RARB: variants seen among roughly 807,000 people sequenced by gnomAD.
The protein encoded by RARB is retinoic acid receptor beta.
RARB carries 17 observed loss-of-function variants against 51.9 expected under a neutral mutation model. The observed-to-expected ratio is 0.33, with a 90% CI of 0.22 to 0.49. The LOEUF is 0.49. Among genes scored for constraint, RARB ranks in the 20% least tolerant of loss-of-function variants. The pLI, the probability that RARB is intolerant of heterozygous loss-of-function variation, is 0.99. For synonymous variants in RARB, 215 were observed against 195.4 expected (o/e 1.10, Z -0.84); for missense variants, 369 against 550.8 (o/e 0.67, Z 3.30).
At chr3:25,407,631 A>G (rs1482035839) in intron 5 of RARB, among the ~76,000 whole-genome samples, 2 of 152,162 alleles carry the variant, frequency 1.3e-5, no homozygotes, top group Non-Finnish European at 2.9e-5. Flanking sequence ...GCACATGTGC[A>G]CATGCATGCA....
At chr3:24,901,738 T>C (rs1017714264) in intron 2 of RARB, among the ~76,000 whole-genome samples, 6 of 152,178 alleles carry the variant, frequency 3.9e-5, no homozygotes, top group African/African-American at 1.4e-4. Flanking sequence ...CTCACCTTAG[T>C]TCAGAGAGCC....
chr3:25,145,146 A>G (rs1485778221), intron 4 of RARB, among the ~76,000 whole-genome samples: 1 of 152,140 alleles, frequency 6.6e-6, no homozygotes, highest in Non-Finnish European at 1.5e-5. Flanking sequence ...GCTCCCTGTA[A>G]AGCAAAATAT....
chr3:25,313,882 C>A (rs894108695), intron 5 of RARB, among the ~76,000 whole-genome samples: 2 of 151,908 alleles, frequency 1.3e-5, no homozygotes, highest in Non-Finnish European at 2.9e-5. Flanking sequence ...CCAGCCTGGG[C>A]AACGTAGTGA....
intron 3 of RARB, among the ~76,000 whole-genome samples, chr3:25,567,939 G>A (rs951322265): frequency 4.6e-5 from 7 of 152,092 alleles, no homozygotes; most frequent in African/African-American, 1.2e-4. Context: ...CTGCCACCCT[G>A]CATGACCCCT....
chr3:24,990,507 T>G (rs1696887113), intron 2 of RARB, among the ~76,000 whole-genome samples: 1 of 107,910 alleles, frequency 9.3e-6, no homozygotes, highest in African/African-American at 3.6e-5. Flanking sequence ...TTTTATATTT[T>G]TAATTTCATC....
chr3:25,443,652 C>T (rs1708803469), intron 1 of RARB, among the ~76,000 whole-genome samples: 7 of 151,612 alleles, frequency 4.6e-5, no homozygotes, highest in Admixed American at 4.6e-4. Flanking sequence ...AGCTAAAGGA[C>T]CGGTTGCGGT....
In RARB at chr3:25,239,920, G is replaced by A. The variant is rs949142935; in HGVS notation, c.178+65345G>A. 9.9e-5 allele frequency among the ~76,000 whole-genome samples: 15 copies of A among 152,114 alleles called. No homozygotes were observed. In the South Asian group the frequency reaches 2.3e-3, roughly 23 times the overall value. ...AATGATATTAATTCTTCTGATCCACGAGCATAGATGCCTTTCCATTTGTTT... is the reference window on the plus strand; with the variant it reads ...AATGATATTAATTCTTCTGATCCACAAGCATAGATGCCTTTCCATTTGTTT... On this transcript the variant is annotated intron_variant, in intron 5 of 11. Transcript: ENST00000383772.
At chr3:25,328,786 G>A (rs1704802815) in intron 5 of RARB, among the ~76,000 whole-genome samples, 1 of 152,198 alleles carries the variant, frequency 6.6e-6, no homozygotes, top group Non-Finnish European at 1.5e-5. Context: ...AAGGGAAGCT[G>A]TGACAGATGG....
chr3:25,297,512 A>G (rs1703944482), intron 5 of RARB, among the ~76,000 whole-genome samples: 1 of 147,160 alleles, frequency 6.8e-6, no homozygotes, highest in African/African-American at 2.5e-5. Context: ...ATGTAACATT[A>G]TATGAATTCA....
At chr3:25,532,143 A>G (rs1167612034) in intron 3 of RARB, among the ~76,000 whole-genome samples, 1 of 152,210 alleles carries the variant, frequency 6.6e-6, no homozygotes, top group Non-Finnish European at 1.5e-5. Flanking sequence ...GGAGGGCTGC[A>G]AAGGGCTCTC....
At chr3:24,843,467 G>A (rs1306171854) in intron 1 of RARB, among the ~76,000 whole-genome samples, 2 of 152,150 alleles carry the variant, frequency 1.3e-5, no homozygotes, top group African/African-American at 2.4e-5. Flanking sequence ...CGACCTGTGA[G>A]AATTAGTTGA....
chr3:25,062,764 T>A (rs749673760), intron 3 of RARB, among the ~76,000 whole-genome samples: 6 of 151,866 alleles, frequency 4.0e-5, no homozygotes, highest in Admixed American at 2.0e-4. Flanking sequence ...TTGGGGCCAG[T>A]AGAGGTGAGA....
intron 3 of RARB, among the ~76,000 whole-genome samples, chr3:25,511,137 G>T (rs1412048244): frequency 5.2e-5 from 6 of 114,974 alleles, no homozygotes; most frequent in African/African-American, 3.4e-4. Flanking sequence ...TTTTGTTTTG[G>T]TTTGTTTTTT....
chr3:25,134,381 G>T (rs1699998382), intron 4 of RARB, among the ~76,000 whole-genome samples: 1 of 151,874 alleles, frequency 6.6e-6, no homozygotes, highest in Admixed American at 6.6e-5. Context: ...TCTAGGTTTT[G>T]CTGTTTATTA....
chr3:25,081,586 C>CATACATATAT (rs1263944956), intron 3 of RARB, among the ~76,000 whole-genome samples: 1 of 19,638 alleles, frequency 5.1e-5, no homozygotes, highest in Non-Finnish European at 8.3e-5. Context: ...GCTTCATATA[C>CATACATATAT]ATATATATAT....
At chr3:24,892,710 A>C (rs13095194) in intron 2 of RARB, among the ~76,000 whole-genome samples, 2 of 152,068 alleles carry the variant, frequency 1.3e-5, no homozygotes, top group Non-Finnish European at 2.9e-5. Context: ...TGTAATTCTT[A>C]GTGTAAGAGT....
intron 5 of RARB, among the ~76,000 whole-genome samples, chr3:25,296,404 A>T (rs1192329196): frequency 6.6e-6 from 1 of 152,180 alleles, no homozygotes; most frequent in Non-Finnish European, 1.5e-5. Context: ...ACTATTTCCT[A>T]GCTTTCTGGG....
At chr3:25,025,077 A>T (rs1697719430) in intron 2 of RARB, 1 of 152,072 alleles carries the variant, frequency 6.6e-6, no homozygotes, top group African/African-American at 2.4e-5. Flanking sequence ...GGGCCTGGTT[A>T]GTACTTGGAT....
chr3:25,494,652 C>T (rs767043763), intron 2 of RARB, among the ~76,000 whole-genome samples: 3 of 152,124 alleles, frequency 2.0e-5, no homozygotes, highest in Non-Finnish European at 2.9e-5. Context: ...TTGTATGCTC[C>T]AAGAAAGCTT....
Sources: allele counts gnomAD v4.1 joint callset (sites outside exome capture counted in the v4.1 genomes callset), GRCh38; gene constraint gnomAD v4.1.1; transcripts MANE v1.5; gene names NCBI Gene and HGNC (gene_info 2026-07-23, HGNC 2026-07-21).